PIP4K2B: variants seen among roughly 807,000 people sequenced by gnomAD.
PIP4K2B encodes the protein phosphatidylinositol-5-phosphate 4-kinase type 2 beta.
In PIP4K2B, 3 loss-of-function variants were observed where a neutral mutation model predicts 42.0. That is an observed-to-expected ratio of 0.07 (90% CI 0.03 to 0.18). The LOEUF is 0.18. Ranked by LOEUF, PIP4K2B falls within the 10% of genes least tolerant of loss-of-function variation. PIP4K2B has a pLI of 1.00. For synonymous variants in PIP4K2B, 204 were observed against 210.1 expected (o/e 0.97, Z 0.25); for missense variants, 332 against 562.3 (o/e 0.59, Z 4.14).
At position 38,799,234 on chromosome 17, in the gene PIP4K2B, C is replaced by G; in HGVS notation, c.159+32G>C. 1.3e-5 allele frequency: 21 copies of G among 1,556,932 alleles called. No homozygotes were observed. Among genetic ancestry groups the G allele is most frequent in the Non-Finnish European group, 1.7e-5 (20 of 1,156,142 alleles). On this transcript the variant is annotated intron_variant, in intron 1 of 9. Transcript: ENST00000619039. The surrounding 1 kb of genome is among the most constrained non-coding windows in gnomAD (Gnocchi z 4.4). Reference sequence around the variant, plus strand: ...CAGGGGGCGTGGGAGCGCGCGGGGCCGCGCTCAGAGGGGCGCGCAGGAGCT... The same window carrying G: ...CAGGGGGCGTGGGAGCGCGCGGGGCGGCGCTCAGAGGGGCGCGCAGGAGCT...
rs1386326762 is a variant in PIP4K2B, at chr17:38,767,535, A to G, written c.*2156T>C. ...ACAAAACACACAAACATACACACAC[A>G]CACACAAACTCAATGTTAAACAAGT... On this transcript the variant is annotated 3_prime_UTR_variant, in exon 10 of 10. Coordinates refer to ENST00000619039, the MANE Select transcript of PIP4K2B (RefSeq NM_003559.5). 6.6e-6 allele frequency: 1 copy of G among 152,326 alleles called. No homozygotes were observed. The highest frequency in any genetic ancestry group is 6.5e-5 in the Admixed American group (1 of 15,274). 9.4% of individuals were successfully genotyped at this position (152,326 alleles called of 1,614,324 possible).
chr17:38,777,610 T>C, intron 7 of PIP4K2B, 77 bp downstream of exon 7: 1 of 959,372 alleles, frequency 1.0e-6, no homozygotes, highest in Non-Finnish European at 1.7e-6. Context: ...CTGAATTCCA[T>C]TCTTCTTAAG....
intron 1 of PIP4K2B, among the ~76,000 whole-genome samples, chr17:38,794,078 T>C (rs1910488862): frequency 1.3e-5 from 2 of 152,040 alleles, no homozygotes. Flanking sequence ...AGAGCTAAGG[T>C]GTGAAAACAA....
intron 7 of PIP4K2B, among the ~76,000 whole-genome samples, chr17:38,774,495 G>T (rs1909210709): frequency 6.6e-6 from 1 of 152,240 alleles, no homozygotes; most frequent in South Asian, 2.1e-4. Flanking sequence ...AGGGCCGGGC[G>T]TGGTGGCTCA....
rs757812265 is a variant in PIP4K2B, at chr17:38,780,547, G to A, written c.412C>T (p.Arg138Cys). The A allele has an allele frequency of 4.3e-6, 7 of 1,613,714 alleles. No individual in the cohort carries two copies. Among genetic ancestry groups the A allele is most frequent in the Non-Finnish European group, 5.9e-6 (7 of 1,179,710 alleles). ...CGCCGGTCGTAGGTGGTGAGGAAAC[G>A]CGTGCCACACCGACCCTGGCTGTCA... ...NSDSQGRCGTRFLTTYDRRFV... is the reference protein window; with the variant it reads ...NSDSQGRCGTCFLTTYDRRFV... Residue 138 changes from arginine (R) to cysteine (C), a missense_variant, in exon 4 of 10, where the codon CGT becomes TGT. Physicochemically the swap from Arg to Cys is radical, Grantham distance 180 (BLOSUM62 -3). Transcript: ENST00000619039.
intron 9 of PIP4K2B, among the ~76,000 whole-genome samples, chr17:38,770,073 G>C (rs953323359): frequency 2.6e-5 from 4 of 152,220 alleles, no homozygotes; most frequent in African/African-American, 9.6e-5. Context: ...AGGGCTTCAG[G>C]CCCACAGGGA....
rs1451398765 is a variant in PIP4K2B, at chr17:38,771,260, G to A, written c.820C>T (p.Leu274=). ...AGCAGGCTGTAGTCCATGATCTTCAGCTGTGCCAAGAACTAGGAAGGGCAA... is the reference window on the plus strand; with the variant it reads ...AGCAGGCTGTAGTCCATGATCTTCAACTGTGCCAAGAACTAGGAAGGGCAA... ...LKRDVEFLAQ[L]KIMDYSLLVG... is the part of the protein sequence containing the mutation. Residue 274 remains leucine, a synonymous_variant, in exon 8 of 10, where the codon CTG becomes TTG. Transcript: ENST00000619039. 1 of 1,614,144 alleles carries A rather than the reference G, an allele frequency of 6.2e-7. No individual in the cohort carries two copies.
Position 38,770,328 on chromosome 17 carries a change from A to G in PIP4K2B, c.1170+108T>C. 5.6e-6 allele frequency: 4 copies of G among 714,930 alleles called. No individual in the cohort carries two copies. The South Asian group carries it at 6.6e-5, about 12-fold the overall frequency. 44.3% of individuals were successfully genotyped at this position (714,930 alleles called of 1,614,324 possible). A position where few individuals can be genotyped will look rare whatever the true frequency, so the allele number is the denominator to read the frequency against. On this transcript the variant is annotated intron_variant, in intron 9 of 9. Coordinates refer to ENST00000619039, the MANE Select transcript of PIP4K2B (RefSeq NM_003559.5). Reference sequence around the variant, plus strand: ...GCTCTCCTGGGAAGAAGGAGACAGGAGTGTGTTCCTTGGAGCAGGAGGCCT... The same window carrying G: ...GCTCTCCTGGGAAGAAGGAGACAGGGGTGTGTTCCTTGGAGCAGGAGGCCT...
At chr17:38,770,034 ATC>A (rs1310614586) in intron 9 of PIP4K2B, among the ~76,000 whole-genome samples, 1 of 152,152 alleles carries the variant, frequency 6.6e-6, no homozygotes, top group African/African-American at 2.4e-5. Flanking sequence ...GCGGCTCTGG[ATC>A]TCTGTGGGGG....
At chr17:38,794,043 T>C (rs945083169) in intron 1 of PIP4K2B, among the ~76,000 whole-genome samples, 1 of 152,092 alleles carries the variant, frequency 6.6e-6, no homozygotes, top group Non-Finnish European at 1.5e-5. Flanking sequence ...GAACTAAAAC[T>C]ATACATACTC....
At chr17:38,775,920 C>T (rs1414213559) in intron 7 of PIP4K2B, 1 of 421,180 alleles carries the variant, frequency 2.4e-6, no homozygotes, top group Non-Finnish European at 4.6e-6. Context: ...TGGATGAACC[C>T]TGAAGACATT....
intron 2 of PIP4K2B, 134 bp from the exon 3 acceptor site, chr17:38,784,473 C>T (rs894322156): frequency 5.1e-5 from 28 of 551,692 alleles, no homozygotes; most frequent in Non-Finnish European, 7.7e-5. Flanking sequence ...TGGCTTCAAG[C>T]GATCCTCCCA....
At chr17:38,788,125 G>C (rs556796994) in intron 1 of PIP4K2B, among the ~76,000 whole-genome samples, 1 of 152,104 alleles carries the variant, frequency 6.6e-6, no homozygotes, top group Non-Finnish European at 1.5e-5. Flanking sequence ...AAGAAAAAAA[G>C]CTGGATGGGT....
intron 1 of PIP4K2B, among the ~76,000 whole-genome samples, chr17:38,797,752 C>T (rs773256629): frequency 6.6e-6 from 1 of 152,152 alleles, no homozygotes; most frequent in Non-Finnish European, 1.5e-5. Flanking sequence ...CAAGGATTGA[C>T]TTCCAGAAAG....
chr17:38,793,794 A>G (rs1355233280), intron 1 of PIP4K2B, among the ~76,000 whole-genome samples: 1 of 151,916 alleles, frequency 6.6e-6, no homozygotes. Context: ...TCACCTGAGC[A>G]TGGGGAGGTA....
intron 1 of PIP4K2B, among the ~76,000 whole-genome samples, chr17:38,788,146 T>C (rs1031228680): frequency 6.6e-6 from 1 of 152,124 alleles, no homozygotes; most frequent in Non-Finnish European, 1.5e-5. Context: ...TTGTGTGGAC[T>C]TGTAACTCAT....
chr17:38,785,968 T>C (rs1348361948), intron 2 of PIP4K2B, among the ~76,000 whole-genome samples: 1 of 152,156 alleles, frequency 6.6e-6, no homozygotes, highest in East Asian at 1.9e-4. Flanking sequence ...ACTTAACAGG[T>C]GGCAGCTATG....
At chr17:38,785,200 A>G (rs891156416) in intron 2 of PIP4K2B, among the ~76,000 whole-genome samples, 1 of 152,202 alleles carries the variant, frequency 6.6e-6, no homozygotes, top group Non-Finnish European at 1.5e-5. Flanking sequence ...ACTCTTACCA[A>G]TCCTCCATCT....
intron 1 of PIP4K2B, among the ~76,000 whole-genome samples, chr17:38,798,590 G>C (rs1466726988): frequency 6.6e-6 from 1 of 152,188 alleles, no homozygotes; most frequent in African/African-American, 2.4e-5. Context: ...ACTATGAATA[G>C]TCCCTCCTTA....
Sources: gnomAD v4.1 joint callset for allele counts (sites outside exome capture counted in the v4.1 genomes callset) on GRCh38, gnomAD v4.1.1 for gene constraint, Gnocchi (gnomAD v3.1) non-coding constraint, MANE v1.5 for transcripts, NCBI Gene and HGNC (gene_info 2026-07-23, HGNC 2026-07-21) for gene names.